The following VWA3B variants were observed in gnomAD, a reference collection of about 807,000 sequenced individuals.
The protein encoded by VWA3B is von Willebrand factor A domain-containing protein 3B.
A neutral mutation model predicts 158.3 loss-of-function variants in VWA3B; 138 were observed. The ratio of observed to expected loss-of-function variants is 0.87; its 90% CI spans 0.76 to 1.00. VWA3B has a LOEUF of 1.00. VWA3B is among the 50% of genes least tolerant of loss of function. The pLI is 0.00. For missense variants in VWA3B, 1,555 were observed against 1,565.1 expected (o/e 0.99, Z 0.11); for synonymous variants, 596 against 587.3 (o/e 1.01, Z -0.21).
intron 6 of VWA3B, among the ~76,000 whole-genome samples, chr2:98,129,995 G>A (rs2105026717): frequency 6.6e-6 from 1 of 152,278 alleles, no homozygotes; most frequent in African/African-American, 2.4e-5. Flanking sequence ...AGGGGTCCCA[G>A]GGGACCGGCA....
At chr2:98,093,507 CT>C (rs1198922125) in intron 2 of VWA3B, among the ~76,000 whole-genome samples, 3 of 152,120 alleles carry the variant, frequency 2.0e-5, no homozygotes, top group Admixed American at 6.5e-5. Flanking sequence ...TAATTTCATC[CT>C]TTCTTTTTTA....
downstream of VWA3B, among the ~76,000 whole-genome samples, chr2:98,314,879 T>G (rs1175819957): frequency 6.6e-6 from 1 of 150,940 alleles, no homozygotes; most frequent in Non-Finnish European, 1.5e-5. Flanking sequence ...AAAAATTAGC[T>G]GGGTGTGGTG....
At chr2:98,206,598 C>G in intron 12 of VWA3B, 2 of 451,470 alleles carry the variant, frequency 4.4e-6, no homozygotes, top group Admixed American at 5.4e-5. Context: ...ATTGGAGAGC[C>G]TATTGATGAA....
chr2:98,257,099 A>C (rs1574214772), intron 21 of VWA3B, among the ~76,000 whole-genome samples: 1 of 151,590 alleles, frequency 6.6e-6, no homozygotes, highest in African/African-American at 2.4e-5. Flanking sequence ...CATCTCCCCC[A>C]CCTCCACACA....
chr2:98,271,775 A>G (rs983520596), intron 22 of VWA3B, among the ~76,000 whole-genome samples: 5 of 152,230 alleles, frequency 3.3e-5, no homozygotes, highest in Non-Finnish European at 7.3e-5. Context: ...TGGATCAAAG[A>G]GTATAAACAT....
intron 5 of VWA3B, among the ~76,000 whole-genome samples, chr2:98,122,852 A>G (rs141689919): frequency 2.3e-3 from 344 of 152,326 alleles, no homozygotes; most frequent in African/African-American, 8.0e-3. Context: ...GGGAAGTCCT[A>G]TGGAAGAAAA....
rs922422075 is a variant in VWA3B at position 98,218,082 on chromosome 2, C to G, written c.2019+54C>G. 1.2e-5 allele frequency: 18 copies of G among 1,521,726 alleles called. No individual in the cohort carries two copies. In the Admixed American group the frequency reaches 2.9e-4, roughly 24 times the overall value. The allele number at this position is 1,521,726 out of a possible 1,614,324, so 94.3% of individuals were successfully genotyped here. A position where few individuals can be genotyped will look rare whatever the true frequency, so the allele number is the denominator to read the frequency against. On this transcript the variant is annotated intron_variant, in intron 14 of 27. Transcript: ENST00000477737. ...TGTTCATTTGTTTGAGCATTACAGGCTGGCGGTCCCTGGGTAATACCTTCG... is the reference window on the plus strand; with the variant it reads ...TGTTCATTTGTTTGAGCATTACAGGGTGGCGGTCCCTGGGTAATACCTTCG...
intron 21 of VWA3B, among the ~76,000 whole-genome samples, chr2:98,258,626 A>G (rs1321398357): frequency 6.6e-6 from 1 of 151,632 alleles, no homozygotes; most frequent in African/African-American, 2.4e-5. Flanking sequence ...TCTTAACTTC[A>G]TTTTCAGATT....
At chr2:98,203,329 G>C (rs913815006) in intron 12 of VWA3B, among the ~76,000 whole-genome samples, 1 of 152,150 alleles carries the variant, frequency 6.6e-6, no homozygotes, top group Non-Finnish European at 1.5e-5. Context: ...TTTCTTGATA[G>C]CTATAGCTGT....
At chr2:98,279,163 A>G (rs1688722374) in intron 22 of VWA3B, among the ~76,000 whole-genome samples, 1 of 152,116 alleles carries the variant, frequency 6.6e-6, no homozygotes, top group Non-Finnish European at 1.5e-5. Context: ...TTAAGGAGAG[A>G]ATCCTGCTCA....
At chr2:98,218,522 G>A (rs1684221555) in intron 14 of VWA3B, among the ~76,000 whole-genome samples, 1 of 152,204 alleles carries the variant, frequency 6.6e-6, no homozygotes, top group African/African-American at 2.4e-5. Flanking sequence ...ATGAAACAAT[G>A]TCAGATGTAG....
chr2:98,091,460 G>C (rs1343315186), intron 1 of VWA3B, among the ~76,000 whole-genome samples: 2 of 152,178 alleles, frequency 1.3e-5, no homozygotes, highest in Non-Finnish European at 2.9e-5. Context: ...AGATCCTGGA[G>C]CTGAATGGCC....
chr2:98,209,984 G>A (rs1187996069), intron 12 of VWA3B, among the ~76,000 whole-genome samples: 1 of 152,162 alleles, frequency 6.6e-6, no homozygotes, highest in Non-Finnish European at 1.5e-5. Context: ...TTCCTGTTTG[G>A]TGCTGTCTGC....
intron 13 of VWA3B, 69 bp downstream of exon 13, chr2:98,212,097 TGGGGGA>T: frequency 7.0e-7 from 1 of 1,429,300 alleles, no homozygotes; most frequent in Non-Finnish European, 9.8e-7. Flanking sequence ...GAAATGGGTC[TGGGGGA>T]CCTTTTCAGC....
Position 98,128,423 on chromosome 2 carries a change from T to C in VWA3B, c.872+15T>C. On this transcript the variant is annotated intron_variant, in intron 6 of 27. Transcript: ENST00000477737. Reference sequence around the variant, plus strand: ...ACCCACAGCAGGTAGGCAGAAAATGTGCTCTTGAGTGACAGCAAGCGGGTT... The same window carrying C: ...ACCCACAGCAGGTAGGCAGAAAATGCGCTCTTGAGTGACAGCAAGCGGGTT... 1.2e-6 allele frequency: 2 copies of C among 1,608,150 alleles called. 1 individual carries two copies.
At chr2:98,168,182 G>T (rs1423868974) in intron 8 of VWA3B, among the ~76,000 whole-genome samples, 1 of 152,156 alleles carries the variant, frequency 6.6e-6, no homozygotes, top group East Asian at 1.9e-4. Context: ...AATGGCAGAA[G>T]AGTCACTCAG....
At chr2:98,295,975 C>G (rs970171731) in intron 23 of VWA3B, among the ~76,000 whole-genome samples, 1 of 152,150 alleles carries the variant, frequency 6.6e-6, no homozygotes, top group Non-Finnish European at 1.5e-5. Flanking sequence ...GAACAAAGAC[C>G]CACATCTACA....
Position 98,297,877 on chromosome 2 carries a change from A to G in VWA3B, c.3158-30A>G, listed in dbSNP as rs778806012. 6 of 1,463,564 alleles carry G rather than the reference A, an allele frequency of 4.1e-6. No homozygotes were observed. In the Admixed American group the frequency reaches 1.2e-4, roughly 29 times the overall value. The allele number at this position is 1,463,564 out of a possible 1,614,324, so 90.7% of individuals were successfully genotyped here. ...AAGGGAAGGGATGTTATTTGTCTTT[A>G]TATTTTATGTTTTCTTTGATTCCTT... On this transcript the variant is annotated intron_variant, in intron 23 of 27. Transcript: ENST00000477737.
intron 4 of VWA3B, among the ~76,000 whole-genome samples, chr2:98,120,258 A>G (rs1238637695): frequency 6.6e-6 from 1 of 152,202 alleles, no homozygotes. Context: ...CCAATTATTT[A>G]TGGATTCTTG....
Sources: allele counts gnomAD v4.1 joint callset (sites outside exome capture counted in the v4.1 genomes callset), GRCh38; gene constraint gnomAD v4.1.1; transcripts MANE v1.5; gene names NCBI Gene and HGNC (gene_info 2026-07-23, HGNC 2026-07-21).